The following CADPS2 variants were observed in gnomAD, a reference collection of about 807,000 sequenced individuals.
The protein encoded by CADPS2 is calcium dependent secretion activator 2, also known as calcium-dependent secretion activator 2.
A neutral mutation model predicts 172.5 loss-of-function variants in CADPS2; 93 were observed. That is an observed-to-expected ratio of 0.54 (90% CI 0.46 to 0.64). The LOEUF (loss-of-function observed/expected upper bound fraction) is 0.64, where lower values mean the gene tolerates loss of function less well. Ranked by LOEUF, CADPS2 falls within the 30% of genes least tolerant of loss-of-function variation. The pLI is 0.00. For missense variants in CADPS2, 1,420 were observed against 1,565.9 expected (o/e 0.91, Z 1.57); for synonymous variants, 546 against 555.2 (o/e 0.98, Z 0.23).
intron 6 of CADPS2, among the ~76,000 whole-genome samples, chr7:122,586,559 C>T (rs757160226): frequency 4.0e-5 from 6 of 151,808 alleles, no homozygotes; most frequent in Admixed American, 1.3e-4. Flanking sequence ...TCTCCTGAGC[C>T]GAGTTACCCT....
At position 122,859,726 on chromosome 7, in the gene CADPS2, G is replaced by A. The variant is rs150657084; in HGVS notation, c.339+26273C>T. On this transcript the variant is annotated intron_variant, in intron 1 of 29. Coordinates refer to ENST00000449022, the MANE Select transcript of CADPS2 (RefSeq NM_017954.11). ...ATAAAATGGCATAGTATTTACATAC[G>A]GTATTCTCCTGTATACTTTAAATCT... 6.7e-3 allele frequency among the ~76,000 whole-genome samples: 1,011 copies of A among 151,804 alleles called. 7 individuals are homozygous for A. Among genetic ancestry groups the A allele is most frequent in the Middle Eastern group, 0.034 (10 of 292 alleles).
intron 11 of CADPS2, among the ~76,000 whole-genome samples, chr7:122,484,287 C>G (rs1246467304): frequency 1.3e-5 from 2 of 152,072 alleles, no homozygotes; most frequent in East Asian, 1.9e-4. Flanking sequence ...CTACAGTAAT[C>G]AAGACAGTGT....
intron 1 of CADPS2, among the ~76,000 whole-genome samples, chr7:122,784,315 G>A (rs992491560): frequency 8.5e-5 from 13 of 152,128 alleles, no homozygotes; most frequent in Admixed American, 6.5e-4. Flanking sequence ...TTTTGAGGAA[G>A]TTTAATATAT....
chr7:122,792,738 T>C (rs1448553951), intron 1 of CADPS2, among the ~76,000 whole-genome samples: 1 of 152,186 alleles, frequency 6.6e-6, no homozygotes, highest in Non-Finnish European at 1.5e-5. Context: ...TATAAGATAT[T>C]CACTGTTAAA....
At chr7:122,556,002 T>C (rs1356212053) in intron 7 of CADPS2, among the ~76,000 whole-genome samples, 2 of 152,176 alleles carry the variant, frequency 1.3e-5, no homozygotes, top group Non-Finnish European at 2.9e-5. Flanking sequence ...TTGTTAAATG[T>C]ATCTACTATT....
intron 24 of CADPS2, among the ~76,000 whole-genome samples, chr7:122,382,595 T>C (rs79530173): frequency 6.6e-6 from 1 of 152,250 alleles, no homozygotes; most frequent in African/African-American, 2.4e-5. Context: ...AGGTTTTTTT[T>C]CCCATTTAGT....
At chr7:122,358,862 T>C (rs1245323290) in intron 27 of CADPS2, among the ~76,000 whole-genome samples, 1 of 152,142 alleles carries the variant, frequency 6.6e-6, no homozygotes, top group Admixed American at 6.5e-5. Flanking sequence ...TATGTTCTGC[T>C]CCAGGGGGCA....
chr7:122,393,632 A>T (rs764436416), intron 20 of CADPS2, 50 bp from the exon 21 acceptor site: 2 of 1,605,902 alleles, frequency 1.2e-6, no homozygotes, highest in Admixed American at 3.4e-5. Flanking sequence ...AATATCAGAC[A>T]TTTGGAAAAT....
At chr7:122,836,866 C>T (rs1276086929) in intron 1 of CADPS2, among the ~76,000 whole-genome samples, 1 of 152,122 alleles carries the variant, frequency 6.6e-6, no homozygotes, top group African/African-American at 2.4e-5. Context: ...TTAGACAGAT[C>T]AACGAGACAG....
intron 1 of CADPS2, among the ~76,000 whole-genome samples, chr7:122,834,942 C>T (rs985803549): frequency 1.2e-4 from 18 of 152,294 alleles, no homozygotes; most frequent in South Asian, 4.1e-4. Flanking sequence ...AGTAGTGTTT[C>T]TCCCAGCACA....
At chr7:122,776,506 G>A (rs181064710) in intron 1 of CADPS2, among the ~76,000 whole-genome samples, 108 of 152,034 alleles carry the variant, frequency 7.1e-4, no homozygotes, top group African/African-American at 2.6e-3. Context: ...CCAAAAATGT[G>A]GAAGTGACTT....
intron 7 of CADPS2, among the ~76,000 whole-genome samples, chr7:122,579,400 T>A (rs1390758987): frequency 1.3e-5 from 2 of 149,734 alleles, no homozygotes; most frequent in Non-Finnish European, 3.0e-5. Context: ...CTTTCTAGTA[T>A]GAAGAGAGTA....
chr7:122,575,315 G>A (rs1276531275), intron 7 of CADPS2, among the ~76,000 whole-genome samples: 1 of 151,870 alleles, frequency 6.6e-6, no homozygotes, highest in Non-Finnish European at 1.5e-5. Context: ...GGATAATTAG[G>A]GAACTCTGAA....
chr7:122,667,520 C>T (rs1384380136), intron 2 of CADPS2, among the ~76,000 whole-genome samples: 1 of 152,148 alleles, frequency 6.6e-6, no homozygotes, highest in Non-Finnish European at 1.5e-5. Context: ...AACAACATTT[C>T]AGGGATTCTG....
At chr7:122,828,077 T>C (rs1805458424) in intron 1 of CADPS2, among the ~76,000 whole-genome samples, 1 of 152,210 alleles carries the variant, frequency 6.6e-6, no homozygotes, top group Admixed American at 6.5e-5. Flanking sequence ...CACTTCATTT[T>C]GAGGCACTGT....
rs147345913 is a variant in CADPS2 at position 122,709,914 on chromosome 7, G to A, written c.453+27041C>T. 2.3e-3 allele frequency among the ~76,000 whole-genome samples: 351 copies of A among 152,032 alleles called. 1 individual carries two copies. Among genetic ancestry groups the A allele is most frequent in the Non-Finnish European group, 3.6e-3 (243 of 67,970 alleles). On this transcript the variant is annotated intron_variant, in intron 2 of 29. Coordinates refer to ENST00000449022, the MANE Select transcript of CADPS2 (RefSeq NM_017954.11). ...ACACTCTGGGGACTGTTGTGGGGTT[G>A]GGGGAGAGGGAAGGGATAGCATTAG...
At chr7:122,606,693 G>C (rs1314959608) in intron 6 of CADPS2, among the ~76,000 whole-genome samples, 1 of 152,012 alleles carries the variant, frequency 6.6e-6, no homozygotes, top group African/African-American at 2.4e-5. Context: ...AAAGTAGTAT[G>C]ATTAGAGTAC....
intron 1 of CADPS2, among the ~76,000 whole-genome samples, chr7:122,832,608 T>C (rs1023500587): frequency 2.6e-5 from 4 of 152,106 alleles, no homozygotes; most frequent in South Asian, 2.1e-4. Context: ...TCTGTGGGAG[T>C]GGATGGCAGT....
chr7:122,763,962 G>A (rs1299495682), intron 1 of CADPS2, among the ~76,000 whole-genome samples: 1 of 152,106 alleles, frequency 6.6e-6, no homozygotes, highest in Non-Finnish European at 1.5e-5. Flanking sequence ...ATATCCAAAA[G>A]TGTATAAATT....
Sources: allele counts gnomAD v4.1 joint callset (sites outside exome capture counted in the v4.1 genomes callset), GRCh38; gene constraint gnomAD v4.1.1; transcripts MANE v1.5; gene names NCBI Gene and HGNC (gene_info 2026-07-23, HGNC 2026-07-21).